Variants in INPP4A observed in about 807,000 individuals in gnomAD.
INPP4A encodes the protein inositol polyphosphate-4-phosphatase, type I, 107kD.
In INPP4A, 33 loss-of-function variants were observed where a neutral mutation model predicts 119.8. The ratio of observed to expected loss-of-function variants is 0.28; its 90% CI spans 0.21 to 0.37. The LOEUF is 0.37. Among genes scored for constraint, INPP4A ranks in the 10% least tolerant of loss-of-function variants. INPP4A has a pLI of 1.00. For synonymous variants in INPP4A, 496 were observed against 500.7 expected, an observed-to-expected ratio of 0.99 and a Z score of 0.12; for missense variants, 956 against 1,289.9, an observed-to-expected ratio of 0.74 and a Z score of 3.97.
chr2:98,501,036 G>A (rs1683013006), intron 1 of INPP4A, among the ~76,000 whole-genome samples: 1 of 152,188 alleles, frequency 6.6e-6, no homozygotes, highest in African/African-American at 2.4e-5. Context: ...GGCCAGGTGC[G>A]GTGGGTCAGG....
rs150565121 is a variant in INPP4A at position 98,554,449 on chromosome 2, G to A, written c.1526G>A (p.Ser509Asn). The stretch of plus-strand genomic sequence containing the variant: ...ATGGCCCGGTGGACAGGGAGAAACA[G>A]CCGATCTTCCCTGCAGGTGGACTGG... ...TLMARWTGRN[S>N]RSSLQVDWHE... The change falls in exon 15 of 25, where the codon AGC becomes AAC. Residue 509 changes from serine to asparagine, a missense_variant. Around this residue, in one of 2 missense-constraint regions of INPP4A, gnomAD observed 652 missense variants for 797.9 expected, o/e 0.82. Transcript: ENST00000409851. The surrounding 1 kb of genome is among the most constrained non-coding windows in gnomAD (Gnocchi z 4.7). 3.9e-3 allele frequency: 6,332 copies of A among 1,613,916 alleles called. 11 individuals carry two copies. Among genetic ancestry groups the A allele is most frequent in the Non-Finnish European group, 4.7e-3 (5,546 of 1,179,862 alleles).
chr2:98,558,834 T>C (rs1037931553), intron 16 of INPP4A, among the ~76,000 whole-genome samples: 1 of 152,218 alleles, frequency 6.6e-6, no homozygotes, highest in Non-Finnish European at 1.5e-5. Context: ...TCAAAAGTGG[T>C]ATTCTTTGAG....
chr2:98,554,217 G>A lies in INPP4A; in HGVS notation c.1348-54G>A. 2 of 1,394,078 alleles carry A rather than the reference G, an allele frequency of 1.4e-6. No homozygotes were observed. Among genetic ancestry groups the A allele is most frequent in the South Asian group, 1.3e-5 (1 of 77,176 alleles). The allele number at this position is 1,394,078 out of a possible 1,614,324, so 86.4% of individuals were successfully genotyped here. A position where few individuals can be genotyped will look rare whatever the true frequency, so the allele number is the denominator to read the frequency against. The stretch of plus-strand genomic sequence containing the variant: ...TCTCCATTTCTGAGATAAGGCAGGG[G>A]CCTCCCCAGCCCCTGGCCTGGGCTC... On this transcript the variant is annotated intron_variant, in intron 14 of 24. Transcript: ENST00000409851. The surrounding 1 kb of genome is among the most constrained non-coding windows in gnomAD (Gnocchi z 4.7).
At chr2:98,527,287 T>C (rs918939787) in intron 4 of INPP4A, among the ~76,000 whole-genome samples, 1 of 152,208 alleles carries the variant, frequency 6.6e-6, no homozygotes, top group African/African-American at 2.4e-5. Context: ...GGCAGTTCCC[T>C]GGAAAACCCT....
Position 98,536,142 on chromosome 2 carries a change from G to T in INPP4A, c.401G>T (p.Gly134Val). The change falls in exon 7 of 25, where the codon GGC becomes GTC. Residue 134 changes from glycine to valine, a missense_variant. Around this residue, in one of 2 missense-constraint regions of INPP4A, gnomAD observed 652 missense variants for 797.9 expected, o/e 0.82. Coordinates refer to ENST00000409851, the MANE Select transcript of INPP4A (RefSeq NM_001134225.2). ...DRSQGTMYLL[G>V]SGTFIVKDLL... is the part of the protein sequence containing the mutation. ...TCTCTTCCTCAGATGTATTTACTGG[G>T]CTCTGGAACGTTCATTGTCAAAGAT... The T allele has an allele frequency of 6.2e-7, 1 of 1,609,958 alleles. No individual in the cohort carries two copies. The highest frequency in any genetic ancestry group is 8.5e-7 in the Non-Finnish European group (1 of 1,176,410).
At chr2:98,457,875 G>A (rs550106409) in intron 1 of INPP4A, among the ~76,000 whole-genome samples, 29 of 152,046 alleles carry the variant, frequency 1.9e-4, no homozygotes, top group East Asian at 7.7e-4. Flanking sequence ...GCCATAGCTC[G>A]CTGCAGCCTC....
At chr2:98,557,915 C>G (rs1306593831) in intron 16 of INPP4A, among the ~76,000 whole-genome samples, 1 of 152,206 alleles carries the variant, frequency 6.6e-6, no homozygotes, top group African/African-American at 2.4e-5. Flanking sequence ...GCTTCCACCG[C>G]CTTCCTCCTG....
intron 1 of INPP4A, among the ~76,000 whole-genome samples, chr2:98,457,171 C>T (rs1696271981): frequency 6.6e-6 from 1 of 152,170 alleles, no homozygotes; most frequent in African/African-American, 2.4e-5. Context: ...CCCAGACACT[C>T]AGGGCACTGG....
At chr2:98,494,256 A>G (rs2105288115) in intron 1 of INPP4A, among the ~76,000 whole-genome samples, 1 of 152,336 alleles carries the variant, frequency 6.6e-6, no homozygotes, top group East Asian at 1.9e-4. Flanking sequence ...CATGTTGCAG[A>G]GGCTAAATTC....
chr2:98,483,165 C>T (rs925746334), intron 1 of INPP4A, among the ~76,000 whole-genome samples: 2 of 152,166 alleles, frequency 1.3e-5, no homozygotes, highest in Non-Finnish European at 1.5e-5. Flanking sequence ...TACAGTGAAT[C>T]GCAACTCAGC....
chr2:98,502,127 G>A (rs1311363142), intron 1 of INPP4A, among the ~76,000 whole-genome samples: 1 of 152,196 alleles, frequency 6.6e-6, no homozygotes, highest in South Asian at 2.1e-4. Flanking sequence ...TGGTTATGGG[G>A]CCAGATGATA....
rs140698581 is a variant in INPP4A, at chr2:98,526,110, A to G, written c.151+5379A>G. Among the ~76,000 whole-genome samples the G allele has an allele frequency of 6.0e-4, 91 of 152,332 alleles. 1 individual carries two copies. In the East Asian group the frequency reaches 0.014, roughly 24 times the overall value. On this transcript the variant is annotated intron_variant, in intron 4 of 24. Coordinates refer to ENST00000409851, the MANE Select transcript of INPP4A (RefSeq NM_001134225.2). Reference sequence around the variant, plus strand: ...ACAATGGAATATGACTCATTTTTTAAAAAAGAATGAATTATCAATACATGT... The same window carrying G: ...ACAATGGAATATGACTCATTTTTTAGAAAAGAATGAATTATCAATACATGT...
At chr2:98,452,584 G>A (rs1158147503) in intron 1 of INPP4A, among the ~76,000 whole-genome samples, 1 of 147,664 alleles carries the variant, frequency 6.8e-6, no homozygotes, top group Admixed American at 6.6e-5. Flanking sequence ...CCAGCCCACA[G>A]TGTGAACTAG....
At position 98,466,336 on chromosome 2, in the gene INPP4A, G is replaced by A. The variant is rs989061997; in HGVS notation, c.-166+21251G>A. On this transcript the variant is annotated intron_variant, in intron 1 of 24. Coordinates refer to ENST00000409851, the MANE Select transcript of INPP4A (RefSeq NM_001134225.2). The stretch of plus-strand genomic sequence containing the variant: ...GCTGGGATTACAGGCGTGAGCCACC[G>A]TGCCCGGCCTTGTTATGTTTTTTAA... 5.3e-5 allele frequency among the ~76,000 whole-genome samples: 8 copies of A among 152,348 alleles called. No individual in the cohort carries two copies. The East Asian group carries it at 7.7e-4, about 15-fold the overall frequency.
At chr2:98,469,874 A>G (rs1675626925) in intron 1 of INPP4A, among the ~76,000 whole-genome samples, 1 of 152,162 alleles carries the variant, frequency 6.6e-6, no homozygotes, top group Non-Finnish European at 1.5e-5. Flanking sequence ...TCAAATCCCC[A>G]CATATTGGTG....
intron 2 of INPP4A, chr2:98,519,453 TGCAG>T: frequency 6.6e-6 from 1 of 152,662 alleles, no homozygotes; most frequent in South Asian, 2.1e-4. Flanking sequence ...GTGAAGTTTA[TGCAG>T]CTCTGGGAAG....
chr2:98,512,149 A>G (rs1031554768), intron 1 of INPP4A, among the ~76,000 whole-genome samples: 1 of 152,252 alleles, frequency 6.6e-6, no homozygotes, highest in Non-Finnish European at 1.5e-5. Context: ...CAGCCCATGT[A>G]CTGAGCTCTA....
intron 4 of INPP4A, among the ~76,000 whole-genome samples, chr2:98,523,231 A>G (rs1433350513): frequency 6.6e-6 from 1 of 152,212 alleles, no homozygotes; most frequent in Non-Finnish European, 1.5e-5. Flanking sequence ...AAAAATCCTC[A>G]TCCGCCTATA....
At chr2:98,483,498 C>T (rs945971695) in intron 1 of INPP4A, among the ~76,000 whole-genome samples, 5 of 152,128 alleles carry the variant, frequency 3.3e-5, no homozygotes, top group Admixed American at 2.0e-4. Context: ...TCATGTTCCC[C>T]CCCGGTCTTG....
Sources: gnomAD v4.1 joint callset for allele counts (sites outside exome capture counted in the v4.1 genomes callset) on GRCh38, gnomAD v4.1.1 for gene constraint, gnomAD v4.1.1 regional missense constraint, Gnocchi (gnomAD v3.1) non-coding constraint, MANE v1.5 for transcripts, NCBI Gene and HGNC (gene_info 2026-07-23, HGNC 2026-07-21) for gene names.